Variants in MCPH1 observed in about 807,000 individuals in gnomAD.
The protein encoded by MCPH1 is microcephalin 1.
Under a neutral mutation model 84.5 loss-of-function variants are expected in MCPH1, and 104 were observed. The ratio of observed to expected loss-of-function variants is 1.23; its 90% CI spans 1.05 to 1.45. The LOEUF (loss-of-function observed/expected upper bound fraction) is 1.45. Among genes scored for constraint, MCPH1 ranks in the 40% most tolerant of loss-of-function variants. MCPH1 has a pLI of 0.00. For synonymous variants in MCPH1, 514 were observed against 366.8 expected (o/e 1.40, Z -4.58); for missense variants, 1,498 against 1,005.7 (o/e 1.49, Z -6.62).
chr8:6,437,780 C>A (rs1039094383), intron 5 of MCPH1, among the ~76,000 whole-genome samples: 61 of 152,170 alleles, frequency 4.0e-4, no homozygotes, highest in African/African-American at 1.4e-3. Flanking sequence ...CCCATCAAGA[C>A]CATGGCCCTG....
At chr8:6,447,667 A>C (rs2442506) in intron 8 of MCPH1, among the ~76,000 whole-genome samples, 105,128 of 152,014 alleles carry the variant, frequency 0.69, 39,896 homozygotes, top group Non-Finnish European at 0.83. Flanking sequence ...TCTCTGCCTC[A>C]GCCTCCCGAG....
At chr8:6,638,578 T>TA (rs60063681) in intron 13 of MCPH1, among the ~76,000 whole-genome samples, 1,606 of 144,980 alleles carry the variant, frequency 0.011, 21 homozygotes, top group African/African-American at 0.033. Flanking sequence ...TGCTTACATT[T>TA]AAAAAAAAAA....
intron 4 of MCPH1, among the ~76,000 whole-genome samples, chr8:6,432,329 G>C (rs1053614549): frequency 1.3e-5 from 2 of 152,136 alleles, no homozygotes; most frequent in African/African-American, 2.4e-5. Flanking sequence ...TGAATGCTTT[G>C]TAAATAGTTG....
intron 1 of MCPH1, among the ~76,000 whole-genome samples, chr8:6,408,472 T>C (rs1045292970): frequency 6.6e-6 from 1 of 152,108 alleles, no homozygotes; most frequent in African/African-American, 2.4e-5. Context: ...TCCTCCCGCC[T>C]CCACCTTGCA....
At chr8:6,507,049 C>A (rs1813881732) in intron 12 of MCPH1, among the ~76,000 whole-genome samples, 3 of 152,032 alleles carry the variant, frequency 2.0e-5, no homozygotes, top group African/African-American at 7.2e-5. Flanking sequence ...AGGCGTATGC[C>A]ACCACGCCTG....
At chr8:6,624,945 A>C (rs1338584664) in intron 13 of MCPH1, 3 of 786,690 alleles carry the variant, frequency 3.8e-6, no homozygotes, top group East Asian at 2.6e-4. Flanking sequence ...ATGAGATCTC[A>C]GCTCACTGCA....
intron 12 of MCPH1, among the ~76,000 whole-genome samples, chr8:6,583,263 C>A (rs763870030): frequency 1.1e-4 from 16 of 151,126 alleles, no homozygotes; most frequent in Non-Finnish European, 2.2e-4. Flanking sequence ...TTTATTTCTT[C>A]TAAACAAACG....
chr8:6,412,527 A>C (rs1030354725), intron 2 of MCPH1, among the ~76,000 whole-genome samples: 1 of 152,192 alleles, frequency 6.6e-6, no homozygotes, highest in Admixed American at 6.5e-5. Flanking sequence ...AGATGATTTA[A>C]AACCAGACTA....
intron 8 of MCPH1, among the ~76,000 whole-genome samples, chr8:6,451,690 C>T (rs1187194943): frequency 6.6e-6 from 1 of 151,868 alleles, no homozygotes; most frequent in Non-Finnish European, 1.5e-5. Context: ...CCAAAGGTAT[C>T]TCTGGAAAGG....
intron 12 of MCPH1, chr8:6,563,144 G>A (rs964245374): frequency 2.6e-5 from 13 of 494,654 alleles, no homozygotes; most frequent in Non-Finnish European, 4.0e-5. Context: ...TCAGATTGCA[G>A]TGGGAAGAAC....
intron 3 of MCPH1, among the ~76,000 whole-genome samples, chr8:6,419,191 A>G (rs1799799789): frequency 4.2e-5 from 1 of 23,718 alleles, no homozygotes; most frequent in African/African-American, 5.5e-5. Flanking sequence ...ACACACACGC[A>G]TTTTTACCCC....
intron 9 of MCPH1, among the ~76,000 whole-genome samples, chr8:6,475,380 T>G (rs1456139626): frequency 6.6e-6 from 1 of 152,262 alleles, no homozygotes; most frequent in Non-Finnish European, 1.5e-5. Flanking sequence ...GTGCTTATCC[T>G]GGCAGACGCC....
At position 6,406,650 on chromosome 8, in the gene MCPH1, C is replaced by G. The variant is rs757082597; in HGVS notation, c.-18C>G. ...GCAAGCACCGCGTAGGCCAGCTGGCCGGATCCCGCCGTCTGTCATGGCGGC... is the reference window on the plus strand; with the variant it reads ...GCAAGCACCGCGTAGGCCAGCTGGCGGGATCCCGCCGTCTGTCATGGCGGC... On this transcript the variant is annotated 5_prime_UTR_variant, in exon 1 of 14. Transcript: ENST00000344683. 4.3e-6 allele frequency: 7 copies of G among 1,611,416 alleles called. No individual in the cohort carries two copies. In the African/African-American group the frequency reaches 6.7e-5, roughly 15 times the overall value.
At chr8:6,467,921 G>C (rs12550299) in intron 9 of MCPH1, among the ~76,000 whole-genome samples, 19,250 of 152,144 alleles carry the variant, frequency 0.13, 1,303 homozygotes, top group Middle Eastern at 0.25. Flanking sequence ...TTGTGGAGTT[G>C]GAAGGTAGAG....
intron 12 of MCPH1, among the ~76,000 whole-genome samples, chr8:6,539,324 A>G (rs1201492050): frequency 6.6e-6 from 1 of 152,216 alleles, no homozygotes; most frequent in Non-Finnish European, 1.5e-5. Flanking sequence ...GCTACTTGCC[A>G]TCTGTTGACT....
intron 13 of MCPH1, among the ~76,000 whole-genome samples, chr8:6,630,957 T>C (rs1251952720): frequency 6.6e-6 from 1 of 152,068 alleles, no homozygotes; most frequent in African/African-American, 2.4e-5. Flanking sequence ...AACTCTAACC[T>C]CTCATCCAAC....
At chr8:6,432,402 A>G (rs535748842) in intron 4 of MCPH1, among the ~76,000 whole-genome samples, 19 of 152,184 alleles carry the variant, frequency 1.2e-4, no homozygotes, top group Non-Finnish European at 2.6e-4. Flanking sequence ...TCCAATCGCG[A>G]CTGGTTGAAT....
intron 12 of MCPH1, chr8:6,513,859 G>C: frequency 6.3e-7 from 1 of 1,590,048 alleles, no homozygotes; most frequent in South Asian, 1.2e-5. Context: ...AATGCAAGTT[G>C]TTAAATTCAA....
rs1180350690 is a variant in MCPH1 at position 6,576,729 on chromosome 8, G to A, written c.2215-44725G>A. 1.0e-4 allele frequency among the ~76,000 whole-genome samples: 6 copies of A among 57,196 alleles called. No individual in the cohort carries two copies. In the East Asian group the frequency reaches 3.8e-3, roughly 37 times the overall value. The allele number at this position is 57,196 out of a possible 152,430, so 37.5% of individuals were successfully genotyped here. A position where few individuals can be genotyped will look rare whatever the true frequency, so the allele number is the denominator to read the frequency against. ...TTTTTTTTTTTTTTTTTTTTTTTTA[G>A]TAGAGATGGGTTTTCACCATATTGG... On this transcript the variant is annotated intron_variant, in intron 12 of 13. Coordinates refer to ENST00000344683, the MANE Select transcript of MCPH1 (RefSeq NM_024596.5).
Sources: allele counts gnomAD v4.1 joint callset (sites outside exome capture counted in the v4.1 genomes callset), GRCh38; gene constraint gnomAD v4.1.1; transcripts MANE v1.5; gene names NCBI Gene and HGNC (gene_info 2026-07-23, HGNC 2026-07-21).